Variants in SCFD2 observed in about 807,000 individuals in gnomAD.
The protein encoded by SCFD2 is sec1 family domain containing 2.
Under a neutral mutation model 58.9 loss-of-function variants are expected in SCFD2, and 54 were observed. The ratio of observed to expected loss-of-function variants is 0.92; its 90% CI spans 0.74 to 1.15. The LOEUF is 1.15. Among genes scored for constraint, SCFD2 ranks in the 50% most tolerant of loss-of-function variants. The pLI, the probability that SCFD2 is intolerant of heterozygous loss-of-function variation, is 0.00. For synonymous variants in SCFD2, 321 were observed against 335.9 expected (o/e 0.96, Z 0.49); for missense variants, 805 against 836.6 (o/e 0.96, Z 0.47).
intron 5 of SCFD2, chr4:52,949,190 A>T (rs1720521547): frequency 2.0e-5 from 3 of 152,232 alleles, no homozygotes; most frequent in Admixed American, 2.0e-4. Context: ...TTTACATTTC[A>T]TTCAAAGGGT....
chr4:53,314,869 A>T (rs1284681903), intron 2 of SCFD2, among the ~76,000 whole-genome samples: 1 of 152,184 alleles, frequency 6.6e-6, no homozygotes, highest in Non-Finnish European at 1.5e-5. Context: ...TTACTGCTCA[A>T]CATACTCCAC....
At chr4:52,937,279 A>G (rs1380224076) in intron 5 of SCFD2, among the ~76,000 whole-genome samples, 1 of 152,208 alleles carries the variant, frequency 6.6e-6, no homozygotes, top group African/African-American at 2.4e-5. Context: ...GCTGAGGGGT[A>G]GGGAATGCAG....
At chr4:53,244,782 T>C (rs546232536) in intron 4 of SCFD2, among the ~76,000 whole-genome samples, 130 of 148,852 alleles carry the variant, frequency 8.7e-4, no homozygotes, top group Non-Finnish European at 1.5e-3. Flanking sequence ...TGAAAAACCA[T>C]TCAAAAGATC....
intron 2 of SCFD2, among the ~76,000 whole-genome samples, chr4:53,331,681 A>G (rs1320865404): frequency 6.6e-6 from 1 of 152,228 alleles, no homozygotes; most frequent in Non-Finnish European, 1.5e-5. Context: ...ATCACAATTA[A>G]AAGAACTAGA....
chr4:53,044,970 C>T (rs576700747), intron 5 of SCFD2, among the ~76,000 whole-genome samples: 1 of 122,200 alleles, frequency 8.2e-6, no homozygotes, highest in South Asian at 2.8e-4. Flanking sequence ...AACTTATAGT[C>T]ACTTAGTAGC....
chr4:53,109,047 C>A (rs146961119), intron 5 of SCFD2, among the ~76,000 whole-genome samples: 1 of 152,202 alleles, frequency 6.6e-6, no homozygotes, highest in Admixed American at 6.5e-5. Context: ...ACCTGGGATG[C>A]AAGACTGGTT....
chr4:52,978,471 T>A (rs1312371469), intron 5 of SCFD2, among the ~76,000 whole-genome samples: 1 of 152,194 alleles, frequency 6.6e-6, no homozygotes, highest in Non-Finnish European at 1.5e-5. Flanking sequence ...AGGGTTGTTG[T>A]GACTATTACA....
At chr4:53,196,711 T>C (rs896671472) in intron 4 of SCFD2, among the ~76,000 whole-genome samples, 4 of 152,174 alleles carry the variant, frequency 2.6e-5, no homozygotes, top group African/African-American at 7.2e-5. Context: ...AGAAATGTCA[T>C]TGAAATCATT....
At chr4:53,143,473 A>G (rs1384276199) in intron 5 of SCFD2, among the ~76,000 whole-genome samples, 1 of 152,248 alleles carries the variant, frequency 6.6e-6, no homozygotes. Flanking sequence ...AATGGCTTTA[A>G]GTTTTTCTTA....
chr4:53,341,701 C>A (rs1733880948), intron 2 of SCFD2, among the ~76,000 whole-genome samples: 2 of 152,136 alleles, frequency 1.3e-5, no homozygotes, highest in African/African-American at 4.8e-5. Flanking sequence ...TCAGGGCCAC[C>A]AGAGAGAAAG....
intron 4 of SCFD2, among the ~76,000 whole-genome samples, chr4:53,199,671 TTGA>T (rs1728166175): frequency 6.6e-6 from 1 of 152,030 alleles, no homozygotes; most frequent in African/African-American, 2.4e-5. Context: ...GCAGCAAGAC[TTGA>T]TGAACTTCCC....
intron 5 of SCFD2, among the ~76,000 whole-genome samples, chr4:53,017,175 G>A (rs554477623): frequency 5.3e-5 from 8 of 152,236 alleles, no homozygotes; most frequent in East Asian, 1.9e-4. Context: ...GGTGGGCACC[G>A]GTGGCTAATT....
chr4:53,270,145 A>G (rs754058619), intron 4 of SCFD2, among the ~76,000 whole-genome samples: 5 of 152,208 alleles, frequency 3.3e-5, no homozygotes, highest in African/African-American at 7.2e-5. Context: ...TTACATGTGT[A>G]TGAGTATATG....
Position 53,236,843 on chromosome 4 carries a change from TATTTA to T in SCFD2, c.1311+36978_1311+36982del, listed in dbSNP as rs1363066353. ...TTATTTATTTATTTATTTATTTATT[TATTTA>T]TTTATTTTTTATTGATAATTCTTGG... is the stretch of plus-strand genomic sequence containing the variant. On this transcript the variant is annotated intron_variant, in intron 4 of 8. Transcript: ENST00000401642. Among the ~76,000 whole-genome samples the T allele has an allele frequency of 4.4e-3, 441 of 101,220 alleles. 1 individual carries two copies. Among genetic ancestry groups the T allele is most frequent in the African/African-American group, 0.01 (349 of 33,544 alleles). The allele number at this position is 101,220 out of a possible 152,430, so 66.4% of individuals were successfully genotyped here.
At chr4:53,016,385 A>AGTT (rs1351120425) in intron 5 of SCFD2, among the ~76,000 whole-genome samples, 16 of 152,230 alleles carry the variant, frequency 1.1e-4, no homozygotes. Flanking sequence ...CTTTTTGATT[A>AGTT]ACACTCCTGG....
intron 3 of SCFD2, among the ~76,000 whole-genome samples, chr4:53,295,433 C>A (rs1048506548): frequency 3.9e-5 from 6 of 152,080 alleles, no homozygotes; most frequent in Admixed American, 1.3e-4. Context: ...TGATTTGGCT[C>A]TGTTTGTCTG....
At chr4:53,063,880 AT>A (rs1161128744) in intron 5 of SCFD2, among the ~76,000 whole-genome samples, 11 of 152,004 alleles carry the variant, frequency 7.2e-5, no homozygotes, top group African/African-American at 1.9e-4. Context: ...GCTTATCAGA[AT>A]TTTTTTTCTA....
At chr4:53,197,149 A>C (rs1280014749) in intron 4 of SCFD2, among the ~76,000 whole-genome samples, 3 of 152,126 alleles carry the variant, frequency 2.0e-5, no homozygotes. Flanking sequence ...GTTTAACTCA[A>C]AGGAACAGAG....
intron 5 of SCFD2, among the ~76,000 whole-genome samples, chr4:53,111,083 G>A (rs993837461): frequency 1.3e-5 from 2 of 152,028 alleles, no homozygotes; most frequent in Non-Finnish European, 2.9e-5. Context: ...AACTAACACA[G>A]GAACAGAAAA....
Sources: gnomAD v4.1 joint callset for allele counts (sites outside exome capture counted in the v4.1 genomes callset) on GRCh38, gnomAD v4.1.1 for gene constraint, MANE v1.5 for transcripts, NCBI Gene and HGNC (gene_info 2026-07-23, HGNC 2026-07-21) for gene names.